MNAT1: variants seen among roughly 807,000 people sequenced by gnomAD.
MNAT1 encodes MNAT1 component of CDK activating kinase.
MNAT1 carries 43 observed loss-of-function variants against 42.0 expected under a neutral mutation model. The observed-to-expected ratio is 1.02, with a 90% CI of 0.80 to 1.32. The LOEUF (loss-of-function observed/expected upper bound fraction) is 1.32. Ranked by LOEUF, MNAT1 falls within the 40% of genes most tolerant of loss-of-function variation. The pLI, the probability that MNAT1 is intolerant of heterozygous loss-of-function variation, is 0.00. For missense variants in MNAT1, 306 were observed against 350.4 expected, an observed-to-expected ratio of 0.87 and a Z score of 1.01; for synonymous variants, 118 against 120.0, an observed-to-expected ratio of 0.98 and a Z score of 0.11.
chr14:60,835,642 C>T (rs1437984103), intron 6 of MNAT1, among the ~76,000 whole-genome samples: 1 of 152,180 alleles, frequency 6.6e-6, no homozygotes, highest in Non-Finnish European at 1.5e-5. Context: ...GGTAACCTGA[C>T]CTTTCTTTCT....
At chr14:60,939,267 C>G (rs1166277508) in intron 7 of MNAT1, among the ~76,000 whole-genome samples, 2 of 152,208 alleles carry the variant, frequency 1.3e-5, no homozygotes, top group African/African-American at 2.4e-5. Flanking sequence ...TTCTTGCCTT[C>G]TGCTAGCTTT....
chr14:60,883,687 T>C (rs902061541), intron 7 of MNAT1, among the ~76,000 whole-genome samples: 4 of 152,210 alleles, frequency 2.6e-5, no homozygotes, highest in South Asian at 2.1e-4. Context: ...CATTTTAACA[T>C]TATTGATTCT....
intron 6 of MNAT1, among the ~76,000 whole-genome samples, chr14:60,832,895 C>T (rs554802245): frequency 1.3e-5 from 2 of 152,204 alleles, no homozygotes; most frequent in South Asian, 2.1e-4. Context: ...TCCTTCACAT[C>T]CCTTGTAAGT....
At chr14:60,810,718 A>G (rs1335529179) in intron 4 of MNAT1, among the ~76,000 whole-genome samples, 1 of 152,114 alleles carries the variant, frequency 6.6e-6, no homozygotes, top group Non-Finnish European at 1.5e-5. Context: ...GATACTTGGT[A>G]TGATTTCAGT....
intron 1 of MNAT1, among the ~76,000 whole-genome samples, chr14:60,794,660 A>AAAAAT (rs1555375163): frequency 1.4e-4 from 4 of 28,634 alleles, no homozygotes; most frequent in African/African-American, 4.3e-4. Flanking sequence ...AAAAAAAAAA[A>AAAAAT]ATATATATAT....
At chr14:60,958,535 G>T (rs1002891292) in intron 7 of MNAT1, among the ~76,000 whole-genome samples, 1 of 150,736 alleles carries the variant, frequency 6.6e-6, no homozygotes, top group African/African-American at 2.4e-5. Context: ...TATGTTTCAT[G>T]TACCTTGATG....
At chr14:60,761,946 C>T (rs989315491) in intron 1 of MNAT1, among the ~76,000 whole-genome samples, 1 of 151,938 alleles carries the variant, frequency 6.6e-6, no homozygotes, top group Non-Finnish European at 1.5e-5. Flanking sequence ...AATTAATGTC[C>T]CGGCTGTAAG....
Position 60,845,197 on chromosome 14 carries a change from G to GT in MNAT1, c.687+26360dup, listed in dbSNP as rs913551533. On this transcript the variant is annotated intron_variant, in intron 6 of 7. Transcript: ENST00000261245. ...TTGAAAGAGTTTGTATGAAATTAAT[G>GT]TTTTTTTTTTATGTGTTTCTATAGG... 5.7e-3 allele frequency among the ~76,000 whole-genome samples: 836 copies of GT among 147,190 alleles called. 6 individuals carry two copies. The highest frequency in any genetic ancestry group is 0.018 in the African/African-American group (728 of 40,190).
intron 7 of MNAT1, among the ~76,000 whole-genome samples, chr14:60,890,078 T>C (rs2034797593): frequency 6.6e-6 from 1 of 152,208 alleles, no homozygotes; most frequent in Non-Finnish European, 1.5e-5. Flanking sequence ...AAATACCATT[T>C]GACCCAGCCA....
At chr14:60,895,967 G>C (rs1209079228) in intron 7 of MNAT1, among the ~76,000 whole-genome samples, 3 of 152,002 alleles carry the variant, frequency 2.0e-5, no homozygotes, top group African/African-American at 7.2e-5. Context: ...ATAAGGTCTT[G>C]GGAGGCATTG....
chr14:60,820,237 AT>A (rs1311100501), intron 6 of MNAT1, among the ~76,000 whole-genome samples: 1 of 152,136 alleles, frequency 6.6e-6, no homozygotes, highest in African/African-American at 2.4e-5. Context: ...TCAGGAATGT[AT>A]CCCCTATTGT....
intron 1 of MNAT1, chr14:60,780,569 G>A (rs767441571): frequency 1.3e-6 from 2 of 1,518,232 alleles, no homozygotes; most frequent in Non-Finnish European, 1.8e-6. Context: ...TAGCATGGTG[G>A]CCTACAAAAT....
At chr14:60,743,734 A>C (rs1169414205) in intron 1 of MNAT1, among the ~76,000 whole-genome samples, 3 of 152,236 alleles carry the variant, frequency 2.0e-5, no homozygotes, top group African/African-American at 7.2e-5. Flanking sequence ...TGACCATACA[A>C]AAGATATCAT....
intron 7 of MNAT1, among the ~76,000 whole-genome samples, chr14:60,944,924 C>G (rs1007025835): frequency 2.6e-5 from 4 of 152,122 alleles, no homozygotes; most frequent in Non-Finnish European, 4.4e-5. Context: ...AAAGTGTTAA[C>G]TCTTTGCTCC....
At chr14:60,762,283 G>C (rs2030632236) in intron 1 of MNAT1, among the ~76,000 whole-genome samples, 1 of 152,102 alleles carries the variant, frequency 6.6e-6, no homozygotes, top group Non-Finnish European at 1.5e-5. Context: ...GCAAGACTCA[G>C]CTTCATGAAA....
rs558161100 is a variant in MNAT1, at chr14:60,828,602, A to G, written c.687+9755A>G. Among the ~76,000 whole-genome samples, 6 of 152,106 alleles carry G rather than the reference A, an allele frequency of 3.9e-5. No individual in the cohort carries two copies. In the East Asian group the frequency reaches 9.7e-4, roughly 25 times the overall value. ...CCAACCATTTCTGCAGCAGACACCA[A>G]TAGGATTTCCTACAGTTTAACCCAA... is the stretch of plus-strand genomic sequence containing the variant. On this transcript the variant is annotated intron_variant, in intron 6 of 7. Coordinates refer to ENST00000261245, the MANE Select transcript of MNAT1 (RefSeq NM_002431.4).
intron 7 of MNAT1, among the ~76,000 whole-genome samples, chr14:60,962,528 TAAATC>T (rs1378473755): frequency 6.6e-6 from 1 of 152,198 alleles, no homozygotes; most frequent in Non-Finnish European, 1.5e-5. Context: ...AGTTCACACT[TAAATC>T]AAGGAAGTAA....
intron 6 of MNAT1, among the ~76,000 whole-genome samples, chr14:60,876,556 G>T (rs1163284717): frequency 6.6e-6 from 1 of 151,822 alleles, no homozygotes; most frequent in Non-Finnish European, 1.5e-5. Flanking sequence ...AACTCAACCT[G>T]TACCCATGAA....
chr14:60,875,563 A>G (rs1490070543), intron 6 of MNAT1, among the ~76,000 whole-genome samples: 1 of 152,142 alleles, frequency 6.6e-6, no homozygotes, highest in Admixed American at 6.6e-5. Flanking sequence ...TTTATTAAAT[A>G]GTAACGTTTC....
Sources: gnomAD v4.1 joint callset for allele counts (sites outside exome capture counted in the v4.1 genomes callset) on GRCh38, gnomAD v4.1.1 for gene constraint, MANE v1.5 for transcripts, NCBI Gene and HGNC (gene_info 2026-07-23, HGNC 2026-07-21) for gene names.